Variants in GPC5 observed in about 807,000 individuals in gnomAD.
The protein encoded by GPC5 is glypican-5.
Under a neutral mutation model 53.9 loss-of-function variants are expected in GPC5, and 47 were observed. The observed-to-expected ratio is 0.87, with a 90% CI of 0.69 to 1.11. The LOEUF is 1.11. GPC5 is among the 50% of genes most tolerant of loss of function. GPC5 has a pLI of 0.00. For missense variants in GPC5, 748 were observed against 713.1 expected, an observed-to-expected ratio of 1.05 and a Z score of -0.56; for synonymous variants, 286 against 263.3, an observed-to-expected ratio of 1.09 and a Z score of -0.84.
intron 7 of GPC5, among the ~76,000 whole-genome samples, chr13:92,756,320 G>T (rs1469417900): frequency 1.3e-5 from 2 of 152,038 alleles, no homozygotes; most frequent in South Asian, 2.1e-4. Context: ...AGGTATTGAT[G>T]GGACATATTT....
intron 5 of GPC5, among the ~76,000 whole-genome samples, chr13:91,775,213 T>C (rs1319131835): frequency 2.6e-5 from 4 of 152,188 alleles, no homozygotes; most frequent in Non-Finnish European, 4.4e-5. Context: ...ATTTGTTTAA[T>C]GACAAAAAGT....
At chr13:92,188,543 T>A (rs369115158) in intron 7 of GPC5, among the ~76,000 whole-genome samples, 1 of 152,128 alleles carries the variant, frequency 6.6e-6, no homozygotes, top group East Asian at 1.9e-4. Flanking sequence ...ATGACAATAA[T>A]GGTATGAAAT....
At chr13:92,352,713 A>G (rs2043489434) in intron 7 of GPC5, among the ~76,000 whole-genome samples, 1 of 152,212 alleles carries the variant, frequency 6.6e-6, no homozygotes, top group African/African-American at 2.4e-5. Flanking sequence ...ATGTTGGAGA[A>G]GATGTGTATC....
At chr13:92,777,716 G>A (rs1875870283) in intron 7 of GPC5, among the ~76,000 whole-genome samples, 1 of 152,176 alleles carries the variant, frequency 6.6e-6, no homozygotes, top group Non-Finnish European at 1.5e-5. Context: ...TTTTCTATTT[G>A]TTCCCTGATG....
intron 7 of GPC5, among the ~76,000 whole-genome samples, chr13:92,834,313 T>C (rs150145333): frequency 5.6e-4 from 86 of 152,274 alleles, no homozygotes; most frequent in Non-Finnish European, 9.1e-4. Context: ...TCCAACCTGT[T>C]AAAAAATGGT....
At chr13:92,003,653 T>G (rs1233536785) in intron 6 of GPC5, among the ~76,000 whole-genome samples, 1 of 152,202 alleles carries the variant, frequency 6.6e-6, no homozygotes, top group Non-Finnish European at 1.5e-5. Context: ...AATTCTTGAT[T>G]GTAATAGTGC....
At chr13:91,603,074 G>A (rs981794662) in intron 2 of GPC5, among the ~76,000 whole-genome samples, 1 of 152,208 alleles carries the variant, frequency 6.6e-6, no homozygotes, top group Non-Finnish European at 1.5e-5. Context: ...ATGTAATATT[G>A]TGAGAAAAGG....
intron 7 of GPC5, among the ~76,000 whole-genome samples, chr13:92,194,727 A>C (rs946842187): frequency 6.6e-6 from 1 of 152,194 alleles, no homozygotes; most frequent in Non-Finnish European, 1.5e-5. Flanking sequence ...AAAAGGAATG[A>C]GCAGGGGGTG....
chr13:92,380,316 G>A (rs11619398), intron 7 of GPC5, among the ~76,000 whole-genome samples: 9,552 of 152,184 alleles, frequency 0.063, 415 homozygotes, highest in Non-Finnish European at 0.09. Flanking sequence ...TCAGTGAGAA[G>A]TTACATTCCT....
chr13:92,093,444 AAAT>A, intron 6 of GPC5, among the ~76,000 whole-genome samples: 1 of 152,328 alleles, frequency 6.6e-6, no homozygotes. Context: ...ATGTATATAA[AAAT>A]ACACGAACTC....
In GPC5 at chr13:92,678,774, G is replaced by T. The variant is rs143328883; in HGVS notation, c.1562-187508G>T. On this transcript the variant is annotated intron_variant, in intron 7 of 7. Coordinates refer to ENST00000377067, the MANE Select transcript of GPC5 (RefSeq NM_004466.6). ...TCTGCTGTCTGCTGAGATAAGAATT[G>T]ACTATAGGACAAAGAGTAGATCCAG... 7.7e-4 allele frequency among the ~76,000 whole-genome samples: 117 copies of T among 152,252 alleles called. 1 individual carries two copies. The highest frequency in any genetic ancestry group is 2.5e-3 in the African/African-American group (105 of 41,556).
chr13:92,047,090 G>A (rs1378286985), intron 6 of GPC5, among the ~76,000 whole-genome samples: 1 of 152,084 alleles, frequency 6.6e-6, no homozygotes, highest in Non-Finnish European at 1.5e-5. Flanking sequence ...ATAGATGTGT[G>A]CAATATTTCC....
intron 3 of GPC5, among the ~76,000 whole-genome samples, chr13:91,709,061 A>G (rs1298313052): frequency 6.6e-6 from 1 of 152,194 alleles, no homozygotes; most frequent in African/African-American, 2.4e-5. Context: ...TAAGAGGATA[A>G]TCTCAAACAT....
chr13:91,869,216 C>T (rs1223265215), intron 5 of GPC5, among the ~76,000 whole-genome samples: 3 of 152,016 alleles, frequency 2.0e-5, no homozygotes, highest in Admixed American at 1.3e-4. Flanking sequence ...CCTGCCACCA[C>T]GACTGGCTAA....
chr13:92,313,333 A>G (rs1008619588), intron 7 of GPC5, among the ~76,000 whole-genome samples: 1 of 152,174 alleles, frequency 6.6e-6, no homozygotes, highest in Admixed American at 6.5e-5. Context: ...CATGCTGAGA[A>G]GAGTAATAGA....
At chr13:91,649,094 G>A (rs1361070425) in intron 2 of GPC5, among the ~76,000 whole-genome samples, 2 of 152,146 alleles carry the variant, frequency 1.3e-5, no homozygotes, top group African/African-American at 2.4e-5. Flanking sequence ...CCTTTGCTTG[G>A]CACTTATCCT....
chr13:91,498,411 G>A (rs1465578471), intron 2 of GPC5, among the ~76,000 whole-genome samples: 2 of 152,108 alleles, frequency 1.3e-5, no homozygotes, highest in African/African-American at 4.8e-5. Context: ...TGTCTTGTGG[G>A]CTGGGAACTG....
intron 7 of GPC5, among the ~76,000 whole-genome samples, chr13:92,848,985 C>A (rs1388939458): frequency 6.6e-6 from 1 of 152,048 alleles, no homozygotes; most frequent in Admixed American, 6.6e-5. Context: ...TATTCAAAAT[C>A]CATATAATTC....
intron 5 of GPC5, among the ~76,000 whole-genome samples, chr13:91,803,344 T>C (rs113093237): frequency 1.3e-5 from 2 of 152,216 alleles, no homozygotes; most frequent in Non-Finnish European, 2.9e-5. Context: ...ATTTTAATAT[T>C]TTTGTATTTA....
Sources: allele counts gnomAD v4.1 joint callset (sites outside exome capture counted in the v4.1 genomes callset), GRCh38; gene constraint gnomAD v4.1.1; transcripts MANE v1.5; gene names NCBI Gene and HGNC (gene_info 2026-07-23, HGNC 2026-07-21).